AGPAT4: variants seen among roughly 807,000 people sequenced by gnomAD.
AGPAT4 encodes 1-acyl-sn-glycerol-3-phosphate acyltransferase delta.
In AGPAT4, 15 loss-of-function variants were observed where a neutral mutation model predicts 48.0. That is an observed-to-expected ratio of 0.31 (90% CI 0.21 to 0.48). The LOEUF (loss-of-function observed/expected upper bound fraction) is 0.48. Ranked by LOEUF, AGPAT4 falls within the 20% of genes least tolerant of loss-of-function variation. The probability of loss-of-function intolerance (pLI) is 0.99; values close to 1 mark genes in which losing one functional copy is unlikely to be tolerated. For missense variants in AGPAT4, 314 were observed against 482.5 expected (o/e 0.65, Z 3.27); for synonymous variants, 178 against 198.7 (o/e 0.90, Z 0.88).
Position 161,243,206 on chromosome 6 carries a change from G to A in AGPAT4, c.-89-10904C>T, listed in dbSNP as rs1782545256. On this transcript the variant is annotated intron_variant, in intron 1 of 8. Transcript: ENST00000320285. The surrounding 1 kb of genome is among the most constrained non-coding windows in gnomAD (Gnocchi z 4.8). Reference sequence around the variant, plus strand: ...GTCAGCTCAATACTAAGCCTGTGAGGGCTGGAACGACATGGGAGCTGGGGA... The same window carrying A: ...GTCAGCTCAATACTAAGCCTGTGAGAGCTGGAACGACATGGGAGCTGGGGA... Among the ~76,000 whole-genome samples the A allele has an allele frequency of 6.6e-6, 1 of 152,152 alleles. No homozygotes were observed. Among genetic ancestry groups the A allele is most frequent in the African/African-American group, 2.4e-5 (1 of 41,442 alleles).
intron 1 of AGPAT4, among the ~76,000 whole-genome samples, chr6:161,241,894 G>A (rs544316246): frequency 5.3e-5 from 8 of 152,146 alleles, no homozygotes; most frequent in African/African-American, 1.4e-4. Context: ...TATCACGCTC[G>A]AATAATTTTT....
Position 161,180,052 on chromosome 6 carries a change from C to T in AGPAT4, c.179-13635G>A, listed in dbSNP as rs2114991620. On this transcript the variant is annotated intron_variant, in intron 2 of 8. Transcript: ENST00000320285. This position sits in a 1 kb window ranked among gnomAD's most constrained non-coding sequence, Gnocchi z 6.4. ...GCCCTGAATCTGCTATCCCCAAAGA[C>T]CTCCTTATTCTCAGCTCCTACTCCT... is the stretch of plus-strand genomic sequence containing the variant. Among the ~76,000 whole-genome samples, 1 of 152,308 alleles carries T rather than the reference C, an allele frequency of 6.6e-6. No homozygotes were observed. Among genetic ancestry groups the T allele is most frequent in the East Asian group, 1.9e-4 (1 of 5,182 alleles).
rs1779708328 is a variant in AGPAT4 at position 161,154,505 on chromosome 6, T to C, written c.349-195A>G. Among the ~76,000 whole-genome samples the C allele has an allele frequency of 6.6e-6, 1 of 152,128 alleles. No individual in the cohort carries two copies. Among genetic ancestry groups the C allele is most frequent in the African/African-American group, 2.4e-5 (1 of 41,434 alleles). On this transcript the variant is annotated intron_variant, in intron 3 of 8. Coordinates refer to ENST00000320285, the MANE Select transcript of AGPAT4 (RefSeq NM_020133.3). The surrounding 1 kb of genome is among the most constrained non-coding windows in gnomAD (Gnocchi z 7.8). ...TTTCAGCTAGAGGTCCAGGTTGTGC[T>C]TGCCCTGCCAGTGTGGGAGCAGGGG... is the stretch of plus-strand genomic sequence containing the variant.
rs373409618 is a variant in AGPAT4, at chr6:161,131,862, G to A, written c.*4678C>T. The A allele has an allele frequency of 2.0e-4, 30 of 152,200 alleles. 1 individual carries two copies. The highest frequency in any genetic ancestry group is 7.0e-4 in the African/African-American group (29 of 41,430). The allele number at this position is 152,200 out of a possible 1,614,324, so 9.4% of individuals were successfully genotyped here. Reference sequence around the variant, plus strand: ...ATCGAGTCCTTCTCTCAAATTGTACGTCTGTTGTTTTCAAAAGCCATTGTG... The same window carrying A: ...ATCGAGTCCTTCTCTCAAATTGTACATCTGTTGTTTTCAAAAGCCATTGTG... On this transcript the variant is annotated 3_prime_UTR_variant, in exon 9 of 9. Coordinates refer to ENST00000320285, the MANE Select transcript of AGPAT4 (RefSeq NM_020133.3).
rs1562308407 is a variant in AGPAT4 at position 161,139,001 on chromosome 6, C to T, written c.1042+421G>A. On this transcript the variant is annotated intron_variant, in intron 8 of 8. Transcript: ENST00000320285. The surrounding 1 kb of genome is among the most constrained non-coding windows in gnomAD (Gnocchi z 9.1). ...CATCCACCTGCAGCAAAGGAGAAGC[C>T]ACAGGCGCCCCCAGAGGAAGGCAGG... Among the ~76,000 whole-genome samples, 5 of 152,342 alleles carry T rather than the reference C, an allele frequency of 3.3e-5. No individual in the cohort carries two copies. In the East Asian group the frequency reaches 9.7e-4, roughly 29 times the overall value.
chr6:161,229,383 G>T lies in AGPAT4; in HGVS notation c.178+2653C>A, dbSNP rs1014032117. ...AGCAGAGGAGAGTTACAGCATAGAC[G>T]CTGCAGAGTCATCTGCTAGTTAAGC... On this transcript the variant is annotated intron_variant, in intron 2 of 8. Coordinates refer to ENST00000320285, the MANE Select transcript of AGPAT4 (RefSeq NM_020133.3). The surrounding 1 kb of genome is among the most constrained non-coding windows in gnomAD (Gnocchi z 6.0). 6.6e-6 allele frequency among the ~76,000 whole-genome samples: 1 copy of T among 152,152 alleles called. No individual in the cohort carries two copies. The highest frequency in any genetic ancestry group is 1.5e-5 in the Non-Finnish European group (1 of 68,036).
rs1782637562 is a variant in AGPAT4 at position 161,246,041 on chromosome 6, C to G, written c.-89-13739G>C. Among the ~76,000 whole-genome samples the G allele has an allele frequency of 6.6e-6, 1 of 152,196 alleles. No homozygotes were observed. Among genetic ancestry groups the G allele is most frequent in the South Asian group, 2.1e-4 (1 of 4,830 alleles). On this transcript the variant is annotated intron_variant, in intron 1 of 8. Coordinates refer to ENST00000320285, the MANE Select transcript of AGPAT4 (RefSeq NM_020133.3). The surrounding 1 kb of genome is among the most constrained non-coding windows in gnomAD (Gnocchi z 5.5). The stretch of plus-strand genomic sequence containing the variant: ...GCTCTGAAAAATGGCCACAAGAATA[C>G]TGAAGTACTTGGATATGAAGGATGC...
chr6:161,198,984 T>C lies in AGPAT4; in HGVS notation c.179-32567A>G, dbSNP rs868008635. The stretch of plus-strand genomic sequence containing the variant: ...CCTAAGATTTGCTTGTTGAAATTCA[T>C]GATGCAATAAGCCTTTGGGACAGAT... On this transcript the variant is annotated intron_variant, in intron 2 of 8. Coordinates refer to ENST00000320285, the MANE Select transcript of AGPAT4 (RefSeq NM_020133.3). The surrounding 1 kb of genome is among the most constrained non-coding windows in gnomAD (Gnocchi z 4.3). 6.6e-6 allele frequency among the ~76,000 whole-genome samples: 1 copy of C among 152,294 alleles called. No individual in the cohort carries two copies.
At chr6:161,248,571 C>CAAAAAAAAAAAAAAAA (rs35527158) in intron 1 of AGPAT4, among the ~76,000 whole-genome samples, 1 of 63,726 alleles carries the variant, frequency 1.6e-5, no homozygotes, top group African/African-American at 7.2e-5. Flanking sequence ...GACTCTGTCT[C>CAAAAAAAAAAAAAAAA]AAAAAAAAAA....
At chr6:161,185,949 C>T (rs1237865013) in intron 2 of AGPAT4, among the ~76,000 whole-genome samples, 1 of 152,124 alleles carries the variant, frequency 6.6e-6, no homozygotes, top group Non-Finnish European at 1.5e-5. Context: ...ATATTTGAAG[C>T]GATTAAAAGG....
chr6:161,191,787 T>C (rs951841352), intron 2 of AGPAT4, among the ~76,000 whole-genome samples: 8 of 152,342 alleles, frequency 5.3e-5, no homozygotes, highest in African/African-American at 1.9e-4. Flanking sequence ...AGGATGTAGG[T>C]GCAGAAGAGA....
At position 161,171,030 on chromosome 6, in the gene AGPAT4, C is replaced by T. The variant is rs1780254518; in HGVS notation, c.179-4613G>A. ...ATATTATTTAGAACCTCCAATTTAA[C>T]TCAGAAAGTTACCAGTGGGCACCTG... On this transcript the variant is annotated intron_variant, in intron 2 of 8. Transcript: ENST00000320285. The surrounding 1 kb of genome is among the most constrained non-coding windows in gnomAD (Gnocchi z 4.4). 6.6e-6 allele frequency among the ~76,000 whole-genome samples: 1 copy of T among 152,218 alleles called. No homozygotes were observed. Among genetic ancestry groups the T allele is most frequent in the African/African-American group, 2.4e-5 (1 of 41,464 alleles).
rs1781609949 is a variant in AGPAT4 at position 161,215,121 on chromosome 6, A to AAGG, written c.178+16914_178+16915insCCT. ...CATAGAGACTGTCTAGATGCTTCACATTTCTATAGGCTTGAGTACAATTTT... is the reference window on the plus strand; with the variant it reads ...CATAGAGACTGTCTAGATGCTTCACAAGGTTTCTATAGGCTTGAGTACAATTTT... On this transcript the variant is annotated intron_variant, in intron 2 of 8. Transcript: ENST00000320285. This position sits in a 1 kb window ranked among gnomAD's most constrained non-coding sequence, Gnocchi z 4.5. Among the ~76,000 whole-genome samples, 1 of 152,198 alleles carries AAGG rather than the reference A, an allele frequency of 6.6e-6. No individual in the cohort carries two copies. Among genetic ancestry groups the AAGG allele is most frequent in the African/African-American group, 2.4e-5 (1 of 41,448 alleles).
rs1451479480 is a variant in AGPAT4 at position 161,242,906 on chromosome 6, A to G, written c.-89-10604T>C. Among the ~76,000 whole-genome samples the G allele has an allele frequency of 6.6e-5, 10 of 151,986 alleles. No homozygotes were observed. The highest frequency in any genetic ancestry group is 1.9e-4 in the African/African-American group (8 of 41,370). On this transcript the variant is annotated intron_variant, in intron 1 of 8. Coordinates refer to ENST00000320285, the MANE Select transcript of AGPAT4 (RefSeq NM_020133.3). The surrounding 1 kb of genome is among the most constrained non-coding windows in gnomAD (Gnocchi z 5.0). ...AACATAGTGAAACCCCGTCTCTACT[A>G]AGAACACAAAAATTAGCCGGGCGTG...
At chr6:161,179,423 C>T (rs1039908596) in intron 2 of AGPAT4, among the ~76,000 whole-genome samples, 3 of 152,192 alleles carry the variant, frequency 2.0e-5, no homozygotes, top group Non-Finnish European at 4.4e-5. Context: ...CCTCAGGCAG[C>T]GCTGTGGTCA....
rs1256658199 is a variant in AGPAT4, at chr6:161,270,280, A to T, written c.-90+3658T>A. Reference sequence around the variant, plus strand: ...TCCTACAGCCTGGCAGCCACTGCAGACCTTCCCAAGCCCATGCATGAAGCC... The same window carrying T: ...TCCTACAGCCTGGCAGCCACTGCAGTCCTTCCCAAGCCCATGCATGAAGCC... On this transcript the variant is annotated intron_variant, in intron 1 of 8. Coordinates refer to ENST00000320285, the MANE Select transcript of AGPAT4 (RefSeq NM_020133.3). The surrounding 1 kb of genome is among the most constrained non-coding windows in gnomAD (Gnocchi z 5.3). Among the ~76,000 whole-genome samples the T allele has an allele frequency of 6.6e-6, 1 of 152,158 alleles. No individual in the cohort carries two copies. The highest frequency in any genetic ancestry group is 2.4e-5 in the African/African-American group (1 of 41,432).
Position 161,242,743 on chromosome 6 carries a change from A to G in AGPAT4, c.-89-10441T>C, listed in dbSNP as rs990906656. The stretch of plus-strand genomic sequence containing the variant: ...AATGAAAAAAATTAATCTTCCAAAC[A>G]GGGGAAACGTCCACAACATTATATT... On this transcript the variant is annotated intron_variant, in intron 1 of 8. Coordinates refer to ENST00000320285, the MANE Select transcript of AGPAT4 (RefSeq NM_020133.3). This position sits in a 1 kb window ranked among gnomAD's most constrained non-coding sequence, Gnocchi z 5.0. Among the ~76,000 whole-genome samples, 8 of 152,166 alleles carry G rather than the reference A, an allele frequency of 5.3e-5. No homozygotes were observed. Among genetic ancestry groups the G allele is most frequent in the African/African-American group, 1.9e-4 (8 of 41,438 alleles).
intron 2 of AGPAT4, among the ~76,000 whole-genome samples, chr6:161,191,534 C>T (rs947943755): frequency 3.0e-4 from 45 of 152,264 alleles, no homozygotes; most frequent in African/African-American, 9.9e-4. Flanking sequence ...CAAGGAGGGA[C>T]ACTGTCCACT....
At chr6:161,205,929 G>C (rs1429447473) in intron 2 of AGPAT4, among the ~76,000 whole-genome samples, 2 of 151,998 alleles carry the variant, frequency 1.3e-5, no homozygotes, top group African/African-American at 4.8e-5. Context: ...AAAAACCCTG[G>C]ACACTACATA....
Sources: allele counts gnomAD v4.1 joint callset (sites outside exome capture counted in the v4.1 genomes callset), GRCh38; gene constraint gnomAD v4.1.1; non-coding constraint Gnocchi (gnomAD v3.1); transcripts MANE v1.5; gene names NCBI Gene and HGNC (gene_info 2026-07-23, HGNC 2026-07-21).